EPHA6: variants seen among roughly 807,000 people sequenced by gnomAD.
The protein encoded by EPHA6 is EPH receptor A6, also known as ephrin type-A receptor 6.
Under a neutral mutation model 112.0 loss-of-function variants are expected in EPHA6, and 50 were observed. The ratio of observed to expected loss-of-function variants is 0.45; its 90% CI spans 0.36 to 0.56. The LOEUF (loss-of-function observed/expected upper bound fraction) is 0.56, where lower values mean the gene tolerates loss of function less well. Among genes scored for constraint, EPHA6 ranks in the 20% least tolerant of loss-of-function variants. EPHA6 has a pLI of 0.00. For synonymous variants in EPHA6, 529 were observed against 490.7 expected, an observed-to-expected ratio of 1.08 and a Z score of -1.03; for missense variants, 1,280 against 1,417.4, an observed-to-expected ratio of 0.90 and a Z score of 1.56.
At chr3:97,643,753 A>G (rs1013335937) in intron 14 of EPHA6, among the ~76,000 whole-genome samples, 1 of 151,822 alleles carries the variant, frequency 6.6e-6, no homozygotes, top group Admixed American at 6.6e-5. Context: ...CTAAATATAT[A>G]TGCACCCAAT....
intron 14 of EPHA6, among the ~76,000 whole-genome samples, chr3:97,642,539 T>A (rs1247401741): frequency 6.7e-6 from 1 of 148,604 alleles, no homozygotes; most frequent in African/African-American, 2.5e-5. Flanking sequence ...TTGAAAACTT[T>A]GAAAAAAATT....
intron 2 of EPHA6, among the ~76,000 whole-genome samples, chr3:96,974,128 T>C (rs1289111155): frequency 1.4e-5 from 2 of 146,582 alleles, no homozygotes; most frequent in African/African-American, 4.9e-5. Context: ...TATAAAGCTT[T>C]ATTATACTTA....
intron 4 of EPHA6, among the ~76,000 whole-genome samples, chr3:97,233,021 C>T (rs1434706379): frequency 2.0e-5 from 3 of 152,140 alleles, no homozygotes; most frequent in African/African-American, 7.2e-5. Flanking sequence ...CCCACTCGTC[C>T]AATTCCTGAG....
intron 5 of EPHA6, among the ~76,000 whole-genome samples, chr3:97,371,214 A>G (rs1467861913): frequency 2.0e-5 from 3 of 152,058 alleles, no homozygotes; most frequent in African/African-American, 4.8e-5. Context: ...ATGTTTTTAA[A>G]TTTACTTCTT....
rs79985613 is a variant in EPHA6 at position 97,695,514 on chromosome 3, G to A, written c.2785-24747G>A. Reference sequence around the variant, plus strand: ...AGAAGCTATCTATTGTAAGACCACCGGTTATGCTATAAATCTACAGTCTAC... The same window carrying A: ...AGAAGCTATCTATTGTAAGACCACCAGTTATGCTATAAATCTACAGTCTAC... On this transcript the variant is annotated intron_variant, in intron 14 of 17. Transcript: ENST00000389672. Among the ~76,000 whole-genome samples the A allele has an allele frequency of 9.5e-3, 1,443 of 152,210 alleles. 20 individuals carry two copies. Among genetic ancestry groups the A allele is most frequent in the African/African-American group, 0.033 (1,376 of 41,508 alleles).
chr3:97,223,751 C>A (rs2108539061), intron 3 of EPHA6, among the ~76,000 whole-genome samples: 1 of 152,258 alleles, frequency 6.6e-6, no homozygotes, highest in Middle Eastern at 3.4e-3. Flanking sequence ...GGAGAAGGTG[C>A]AAGAAGGGAG....
At chr3:97,704,189 C>T (rs111981871) in intron 14 of EPHA6, among the ~76,000 whole-genome samples, 18 of 152,178 alleles carry the variant, frequency 1.2e-4, no homozygotes, top group African/African-American at 4.3e-4. Context: ...CTTGACTGGC[C>T]TAAGGGATGC....
Position 96,866,873 on chromosome 3 carries a change from CAT to C in EPHA6, c.437_438del (p.Tyr146SerfsTer10). On this transcript the variant is annotated frameshift_variant, in exon 2 of 18. Coordinates refer to ENST00000389672, the MANE Select transcript of EPHA6 (RefSeq NM_001080448.3). LOFTEE classifies it high-confidence loss of function. The stretch of plus-strand genomic sequence containing the variant: ...GTACTGGGAGAGCTAGGATGGAAAA[CAT>C]ATCCATTAAATGGGGTAAGTTTAAA... The C allele has an allele frequency of 6.8e-7, 1 of 1,477,460 alleles. No homozygotes were observed. The highest frequency in any genetic ancestry group is 1.4e-5 in the African/African-American group (1 of 69,718). 91.5% of individuals were successfully genotyped at this position (1,477,460 alleles called of 1,614,324 possible).
At chr3:97,057,417 T>A (rs1284043070) in intron 3 of EPHA6, among the ~76,000 whole-genome samples, 4 of 152,190 alleles carry the variant, frequency 2.6e-5, no homozygotes, top group Non-Finnish European at 5.9e-5. Flanking sequence ...TAAGTCTCCC[T>A]CTTCATGTGG....
chr3:97,273,444 T>G (rs1219688847), intron 5 of EPHA6, among the ~76,000 whole-genome samples: 1 of 152,126 alleles, frequency 6.6e-6, no homozygotes, highest in Non-Finnish European at 1.5e-5. Context: ...GGGGGCACAG[T>G]CCAAGTTGAT....
chr3:96,877,983 A>G (rs2037078676), intron 2 of EPHA6, among the ~76,000 whole-genome samples: 1 of 150,588 alleles, frequency 6.6e-6, no homozygotes, highest in South Asian at 2.1e-4. Flanking sequence ...GTTTGGGAGG[A>G]TAAAATGAAA....
intron 3 of EPHA6, among the ~76,000 whole-genome samples, chr3:97,100,972 A>G (rs2047386644): frequency 6.6e-6 from 1 of 152,034 alleles, no homozygotes; most frequent in African/African-American, 2.4e-5. Context: ...AAGATTATCA[A>G]TAAAGTCTAT....
chr3:97,609,954 G>A (rs1332711422), intron 12 of EPHA6, among the ~76,000 whole-genome samples: 2 of 151,472 alleles, frequency 1.3e-5, no homozygotes, highest in African/African-American at 4.8e-5. Context: ...TTAAACTTGG[G>A]CAATTGGGCA....
intron 8 of EPHA6, among the ~76,000 whole-genome samples, chr3:97,476,969 A>C (rs1391684381): frequency 6.6e-6 from 1 of 152,150 alleles, no homozygotes; most frequent in Non-Finnish European, 1.5e-5. Context: ...CAAGGAAAAA[A>C]ACAGACATGA....
intron 11 of EPHA6, among the ~76,000 whole-genome samples, chr3:97,549,437 C>T (rs2093000191): frequency 6.6e-6 from 1 of 152,112 alleles, no homozygotes; most frequent in African/African-American, 2.4e-5. Flanking sequence ...CCCATTCCAC[C>T]ATAGCTATGA....
chr3:97,079,455 A>C (rs1025935933), intron 3 of EPHA6, among the ~76,000 whole-genome samples: 2 of 151,932 alleles, frequency 1.3e-5, no homozygotes, highest in Admixed American at 6.6e-5. Context: ...CAGAGGGTGG[A>C]AGGTGGGAGG....
chr3:97,567,349 A>G (rs1207641667), intron 11 of EPHA6, among the ~76,000 whole-genome samples: 1 of 152,222 alleles, frequency 6.6e-6, no homozygotes, highest in African/African-American at 2.4e-5. Context: ...CACATTGCAC[A>G]ACTTTGGGGG....
chr3:97,666,664 C>T (rs2030150147), intron 14 of EPHA6, among the ~76,000 whole-genome samples: 1 of 152,162 alleles, frequency 6.6e-6, no homozygotes, highest in African/African-American at 2.4e-5. Context: ...TTCAGTATGA[C>T]CTCATTTTAG....
intron 2 of EPHA6, among the ~76,000 whole-genome samples, chr3:96,895,276 A>T (rs2038205317): frequency 1.3e-5 from 2 of 152,100 alleles, no homozygotes; most frequent in South Asian, 2.1e-4. Context: ...ACAAAAAATT[A>T]AAAAAATAAA....
Sources: allele counts gnomAD v4.1 joint callset (sites outside exome capture counted in the v4.1 genomes callset), GRCh38; gene constraint gnomAD v4.1.1; transcripts MANE v1.5; gene names NCBI Gene and HGNC (gene_info 2026-07-23, HGNC 2026-07-21).